The following KEAP1 variants were observed in gnomAD, a reference collection of about 807,000 sequenced individuals.
KEAP1 encodes the protein kelch-like ECH-associated protein 1.
KEAP1 carries 26 observed loss-of-function variants against 59.7 expected under a neutral mutation model. That is an observed-to-expected ratio of 0.44 (90% CI 0.32 to 0.60). The LOEUF is 0.60. KEAP1 is among the 20% of genes least tolerant of loss of function. KEAP1 has a pLI of 0.06. For synonymous variants in KEAP1, 350 were observed against 358.3 expected (o/e 0.98, Z 0.26); for missense variants, 539 against 871.4 (o/e 0.62, Z 4.80).
chr19:10,492,590 C>T (rs1013565662), intron 2 of KEAP1: 4 of 281,742 alleles, frequency 1.4e-5, no homozygotes, highest in Admixed American at 4.9e-5. Context: ...TGGTGGCACA[C>T]GCCTCTAGTC....
chr19:10,494,662 T>G (rs555623966), intron 2 of KEAP1, among the ~76,000 whole-genome samples: 2 of 142,576 alleles, frequency 1.4e-5, no homozygotes, highest in South Asian at 4.4e-4. Context: ...TGTTTCTTTT[T>G]TTTTTTTTTT....
At position 10,489,154 on chromosome 19, in the gene KEAP1, G is replaced by A. The variant is rs751644665; in HGVS notation, c.1708+38C>T. The A allele has an allele frequency of 2.8e-6, 4 of 1,436,082 alleles. No individual in the cohort carries two copies. The South Asian group carries it at 3.6e-5, about 13-fold the overall frequency. 89.0% of individuals were successfully genotyped at this position (1,436,082 alleles called of 1,614,324 possible). A position where few individuals can be genotyped will look rare whatever the true frequency, so the allele number is the denominator to read the frequency against. On this transcript the variant is annotated intron_variant, in intron 5 of 5. Transcript: ENST00000171111. ...AAAGCAAAAGCAGTCCACAAAAGAT[G>A]GGCTAGTCAGGACTCTTCCCCGCCC... is the stretch of plus-strand genomic sequence containing the variant.
intron 2 of KEAP1, among the ~76,000 whole-genome samples, chr19:10,494,685 T>TC (rs1914793130): frequency 7.2e-6 from 1 of 138,766 alleles, no homozygotes; most frequent in Non-Finnish European, 1.5e-5. Context: ...AGATGGAGTC[T>TC]CGCTCTGTCG....
chr19:10,491,634 C>T lies in KEAP1; in HGVS notation c.1268G>A (p.Gly423Asp), dbSNP rs2144596720. The change falls in exon 3 of 6, where the codon GGC becomes GAC. Residue 423 changes from glycine to aspartate, a missense_variant. Physicochemically the swap from Gly to Asp is moderately conservative, Grantham distance 94. This residue lies in a region of KEAP1 where 311 missense variants were observed against 425.2 expected (regional missense o/e 0.73). Transcript: ENST00000171111. This position sits in a 1 kb window ranked among gnomAD's most constrained non-coding sequence, Gnocchi z 5.2. ...GGAGCCGCCGACGGCATAGATGTGGCCATCGATGACCCCCACCCCGATGCG... is the reference window on the plus strand; with the variant it reads ...GGAGCCGCCGACGGCATAGATGTGGTCATCGATGACCCCCACCCCGATGCG... The part of the protein sequence containing the change: ...RNRIGVGVID[G>D]HIYAVGGSHG... 6.3e-7 allele frequency: 1 copy of T among 1,593,416 alleles called. No individual in the cohort carries two copies. The highest frequency in any genetic ancestry group is 1.1e-5 in the South Asian group (1 of 87,732).
At chr19:10,493,557 C>CTTTTTT (rs756608531) in intron 2 of KEAP1, among the ~76,000 whole-genome samples, 4 of 96,286 alleles carry the variant, frequency 4.2e-5, no homozygotes, top group African/African-American at 8.4e-5. Context: ...GTCTCAAACT[C>CTTTTTT]TTTTTTTTTT....
At chr19:10,492,460 T>C (rs1215874785) in intron 2 of KEAP1, 198 bp from the exon 3 acceptor site, 2 of 573,762 alleles carry the variant, frequency 3.5e-6, no homozygotes, top group African/African-American at 3.7e-5. Flanking sequence ...GGCTCACGCC[T>C]GTAATGCCAG....
chr19:10,499,890 G>A lies in KEAP1; in HGVS notation c.144C>T (p.Gly48=), dbSNP rs1202072527. 1.9e-6 allele frequency: 3 copies of A among 1,613,292 alleles called. No individual in the cohort carries two copies. The highest frequency in any genetic ancestry group is 2.5e-6 in the Non-Finnish European group (3 of 1,179,832). ...CCAGGGTGTAGCTGAAGGTGCGGTT[G>A]CCATGCTGGGAGGGCGTCACCTCCG... ...CKAEVTPSQH[G]NRTFSYTLED... The change falls in exon 2 of 6, where the codon GGC becomes GGT. Residue 48 remains glycine, a synonymous_variant. Coordinates refer to ENST00000171111, the MANE Select transcript of KEAP1 (RefSeq NM_203500.2). The surrounding 1 kb of genome is among the most constrained non-coding windows in gnomAD (Gnocchi z 6.7).
chr19:10,501,178 C>G (rs1390351277), intron 1 of KEAP1, among the ~76,000 whole-genome samples: 1 of 152,038 alleles, frequency 6.6e-6, no homozygotes, highest in Non-Finnish European at 1.5e-5. Flanking sequence ...GAGCTAAGGA[C>G]TTAAGGAAGG....
At chr19:10,486,864 C>A (rs2144579405) in intron 5 of KEAP1, 46 bp from the exon 6 acceptor site, 1 of 1,579,048 alleles carries the variant, frequency 6.3e-7, no homozygotes. Context: ...CACACCACAT[C>A]CAAGAGCAGG....
At position 10,486,609 on chromosome 19, in the gene KEAP1, A is replaced by T. The variant is rs772719538; in HGVS notation, c.*43T>A. 1 of 1,561,142 alleles carries T rather than the reference A, an allele frequency of 6.4e-7. No homozygotes were observed. Among genetic ancestry groups the T allele is most frequent in the Non-Finnish European group, 8.7e-7 (1 of 1,143,348 alleles). ...CCGGTTTTTGTACAAAAACAATGAT[A>T]CTCCCCATTGGACTGTATTTTTGCC... On this transcript the variant is annotated 3_prime_UTR_variant, in exon 6 of 6. Transcript: ENST00000171111.
In KEAP1 at chr19:10,500,000, C is replaced by T. The variant is rs1914986474; in HGVS notation, c.34G>A (p.Ala12Thr). 6.4e-7 allele frequency: 1 copy of T among 1,571,870 alleles called. No individual in the cohort carries two copies. The change falls in exon 2 of 6, where the codon GCC becomes ACC. Residue 12 changes from alanine (A) to threonine (T), a missense_variant. Transcript: ENST00000171111. The surrounding 1 kb of genome is among the most constrained non-coding windows in gnomAD (Gnocchi z 6.7). Reference sequence around the variant, plus strand: ...TGCAGGGGCAGGAATCGGCAGCAGGCCCCAGCCCCGCTAGGCCTGGGATCT... The same window carrying T: ...TGCAGGGGCAGGAATCGGCAGCAGGTCCCAGCCCCGCTAGGCCTGGGATCT... ...QPDPRPSGAG[A>T]CCRFLPLQSQ...
intron 5 of KEAP1, 125 bp from the exon 6 acceptor site, chr19:10,486,943 T>A: frequency 1.1e-6 from 1 of 949,266 alleles, no homozygotes; most frequent in African/African-American, 1.7e-5. Context: ...ACGCCTATAA[T>A]CCTAGCACTT....
chr19:10,499,282 C>A lies in KEAP1; in HGVS notation c.639+113G>T. 9.8e-7 allele frequency: 1 copy of A among 1,023,052 alleles called. No homozygotes were observed. The highest frequency in any genetic ancestry group is 1.4e-6 in the Non-Finnish European group (1 of 707,060). 63.4% of individuals were successfully genotyped at this position (1,023,052 alleles called of 1,614,324 possible). On this transcript the variant is annotated intron_variant, in intron 2 of 5. Transcript: ENST00000171111. The surrounding 1 kb of genome is among the most constrained non-coding windows in gnomAD (Gnocchi z 6.7). ...CTACACCACCATACCCAGCCCAGAA[C>A]CTCCTTTTTCTCCAGTTTCCTGCCT...
intron 4 of KEAP1, 79 bp from the exon 5 acceptor site, chr19:10,489,447 C>T: frequency 7.1e-7 from 1 of 1,413,992 alleles, no homozygotes; most frequent in South Asian, 1.3e-5. Flanking sequence ...TGAGGGAGAC[C>T]TTTCCTCTCT....
At chr19:10,489,951 C>A in intron 3 of KEAP1, 98 bp from the exon 4 acceptor site, 1 of 1,205,484 alleles carries the variant, frequency 8.3e-7, no homozygotes, top group Non-Finnish European at 1.2e-6. Context: ...TTTTTTTTTC[C>A]CCCTTAAAGA....
intron 5 of KEAP1, 32 bp downstream of exon 5, chr19:10,489,160 G>T (rs11878494): frequency 2.6e-6 from 4 of 1,511,626 alleles, no homozygotes; most frequent in Non-Finnish European, 3.7e-6. Flanking sequence ...AGATGGGCTA[G>T]TCAGGACTCT....
rs1307894624 is a variant in KEAP1 at position 10,486,752 on chromosome 19, C to A, written c.1775G>T (p.Ser592Ile). The part of the protein sequence containing the change: ...ECYDPDTDTW[S>I]EVTRMTSGRS... ...GCCCGATGTCATTCGGGTCACCTCG[C>A]TCCAGGTGTCTGTATCTGGGTCGTA... Residue 592 changes from serine to isoleucine, a missense_variant, in exon 6 of 6, where the codon AGC becomes ATC. This residue lies in a region of KEAP1 where 311 missense variants were observed against 425.2 expected (regional missense o/e 0.73). Coordinates refer to ENST00000171111, the MANE Select transcript of KEAP1 (RefSeq NM_203500.2). 1 of 1,614,112 alleles carries A rather than the reference C, an allele frequency of 6.2e-7. No individual in the cohort carries two copies. The highest frequency in any genetic ancestry group is 1.1e-5 in the South Asian group (1 of 91,084).
chr19:10,494,236 C>T, intron 2 of KEAP1, among the ~76,000 whole-genome samples: 1 of 151,786 alleles, frequency 6.6e-6, no homozygotes, highest in East Asian at 1.9e-4. Context: ...GCCACCGTGT[C>T]CGGCCGTTGG....
In KEAP1 at chr19:10,491,583, A is replaced by C. The variant is rs200170293; in HGVS notation, c.1319T>G (p.Val440Gly). The change falls in exon 3 of 6, where the codon GTG becomes GGG. Residue 440 changes from valine (V) to glycine (G), a missense_variant. Physicochemically the swap from Val to Gly is moderately radical, Grantham distance 109 (BLOSUM62 -3). Coordinates refer to ENST00000171111, the MANE Select transcript of KEAP1 (RefSeq NM_203500.2). The surrounding 1 kb of genome is among the most constrained non-coding windows in gnomAD (Gnocchi z 5.2). ...CCCAGGCCCTGCCACTCACCTCTCC[A>C]CACTGTTGTGGTGGATGCAGCCGTG... ...GSHGCIHHNSVERYEPERDEW... is the reference protein window; with the variant it reads ...GSHGCIHHNSGERYEPERDEW... 6.5e-7 allele frequency: 1 copy of C among 1,542,250 alleles called. No homozygotes were observed. The highest frequency in any genetic ancestry group is 2.1e-5 in the Admixed American group (1 of 48,730).
Sources: allele counts gnomAD v4.1 joint callset (sites outside exome capture counted in the v4.1 genomes callset), GRCh38; gene constraint gnomAD v4.1.1; regional missense constraint gnomAD v4.1.1; non-coding constraint Gnocchi (gnomAD v3.1); transcripts MANE v1.5; gene names NCBI Gene and HGNC (gene_info 2026-07-23, HGNC 2026-07-21).